SNTG1: variants seen among roughly 807,000 people sequenced by gnomAD.
SNTG1 encodes the protein gamma-1-syntrophin.
Under a neutral mutation model 74.7 loss-of-function variants are expected in SNTG1, and 39 were observed. The ratio of observed to expected loss-of-function variants is 0.52; its 90% CI spans 0.40 to 0.68. SNTG1 has a LOEUF of 0.68. Among genes scored for constraint, SNTG1 ranks in the 30% least tolerant of loss-of-function variants. The probability of loss-of-function intolerance (pLI) is 0.00; values close to 1 mark genes in which losing one functional copy is unlikely to be tolerated. For missense variants in SNTG1, 685 were observed against 609.5 expected (o/e 1.12, Z -1.30); for synonymous variants, 254 against 217.1 (o/e 1.17, Z -1.49).
chr8:50,160,137 T>C (rs904474331), intron 1 of SNTG1, among the ~76,000 whole-genome samples: 8 of 152,214 alleles, frequency 5.3e-5, no homozygotes, highest in Non-Finnish European at 1.0e-4. Flanking sequence ...TTGCACTTAA[T>C]TTTCTATGCA....
At chr8:50,436,024 G>A (rs2093298565) in intron 4 of SNTG1, among the ~76,000 whole-genome samples, 1 of 152,084 alleles carries the variant, frequency 6.6e-6, no homozygotes, top group Admixed American at 6.6e-5. Context: ...TTTAGCTATT[G>A]AGCAGCAATT....
chr8:50,164,960 T>C (rs1221905500), intron 1 of SNTG1, among the ~76,000 whole-genome samples: 1 of 152,204 alleles, frequency 6.6e-6, no homozygotes, highest in Non-Finnish European at 1.5e-5. Flanking sequence ...TTCAGCTTAT[T>C]TTATGTATGT....
At chr8:50,499,758 T>A (rs12548583) in intron 8 of SNTG1, among the ~76,000 whole-genome samples, 1 of 151,750 alleles carries the variant, frequency 6.6e-6, no homozygotes, top group African/African-American at 2.4e-5. Context: ...ATTTTGAATA[T>A]TGACAAATAT....
chr8:50,291,457 C>G (rs1053615325), intron 2 of SNTG1, among the ~76,000 whole-genome samples: 1 of 152,018 alleles, frequency 6.6e-6, no homozygotes, highest in Non-Finnish European at 1.5e-5. Flanking sequence ...GAGGAAAAAG[C>G]TTGTGCACGT....
chr8:50,164,419 T>G (rs1026918487), intron 1 of SNTG1: 14 of 152,324 alleles, frequency 9.2e-5, no homozygotes, highest in Admixed American at 2.6e-4. Flanking sequence ...CCTTGTTTAC[T>G]GGTACTTATT....
chr8:50,266,808 C>G (rs577592473), intron 2 of SNTG1, among the ~76,000 whole-genome samples: 2 of 151,610 alleles, frequency 1.3e-5, no homozygotes, highest in East Asian at 1.9e-4. Context: ...TCTTGCCCCC[C>G]GGTTTTGAGC....
intron 1 of SNTG1, among the ~76,000 whole-genome samples, chr8:50,026,582 T>C (rs968729032): frequency 1.3e-5 from 2 of 152,132 alleles, no homozygotes; most frequent in African/African-American, 2.4e-5. Flanking sequence ...AGTTTAAGGA[T>C]GGTTCAACAG....
intron 2 of SNTG1, among the ~76,000 whole-genome samples, chr8:50,323,964 TTCCAGCTAGTGTC>T (rs778578925): frequency 3.9e-5 from 6 of 152,204 alleles, no homozygotes; most frequent in Non-Finnish European, 8.8e-5. Flanking sequence ...CCCTTAGCTA[TTCCAGCTAGTGTC>T]TCCTTAGGTA....
chr8:50,426,805 G>A (rs2093169125), intron 4 of SNTG1, among the ~76,000 whole-genome samples: 1 of 151,380 alleles, frequency 6.6e-6, no homozygotes, highest in African/African-American at 2.4e-5. Context: ...AAAATATTTG[G>A]GAAAAAAATA....
At chr8:50,379,184 A>G (rs74935411) in intron 2 of SNTG1, among the ~76,000 whole-genome samples, 7,404 of 152,254 alleles carry the variant, frequency 0.049, 247 homozygotes, top group Non-Finnish European at 0.071. Flanking sequence ...GTGTGGCAGC[A>G]TTGCCTTGAG....
At chr8:50,083,012 T>G (rs1396349850) in intron 1 of SNTG1, among the ~76,000 whole-genome samples, 1 of 152,190 alleles carries the variant, frequency 6.6e-6, no homozygotes, top group Non-Finnish European at 1.5e-5. Context: ...CCCAATGAAG[T>G]GAGTCCTTTC....
At chr8:50,107,097 A>G (rs2080401484) in intron 1 of SNTG1, among the ~76,000 whole-genome samples, 1 of 152,172 alleles carries the variant, frequency 6.6e-6, no homozygotes, top group African/African-American at 2.4e-5. Flanking sequence ...AGAATTACAG[A>G]ATGTAAAATT....
At chr8:50,784,557 G>A (rs117570296) in intron 18 of SNTG1, among the ~76,000 whole-genome samples, 4,491 of 152,126 alleles carry the variant, frequency 0.03, 81 homozygotes, top group Non-Finnish European at 0.041. Context: ...AGGCGAAATC[G>A]AAGAGAAAAT....
chr8:50,553,063 C>G lies in SNTG1; in HGVS notation c.694C>G (p.Gln232Glu). ...GAACATCTGCAGGCAGAATGCCTTTCAAGTCATTGCTGTGGATGGGGTCTG... is the reference window on the plus strand; with the variant it reads ...GAACATCTGCAGGCAGAATGCCTTTGAAGTCATTGCTGTGGATGGGGTCTG... Reference protein sequence around the residue: ...GTDLSRQNAFQVIAVDGVCTG... With the variant: ...GTDLSRQNAFEVIAVDGVCTG... The change falls in exon 12 of 19, where the codon CAA becomes GAA. Residue 232 changes from glutamine to glutamate, a missense_variant. Coordinates refer to ENST00000642720, the MANE Select transcript of SNTG1 (RefSeq NM_018967.5). The G allele has an allele frequency of 6.2e-7, 1 of 1,613,846 alleles. No individual in the cohort carries two copies. Among genetic ancestry groups the G allele is most frequent in the South Asian group, 1.1e-5 (1 of 91,070 alleles).
At position 50,794,010 on chromosome 8, in the gene SNTG1, C is replaced by T. The variant is rs1222185085; in HGVS notation, c.*1181C>T. The T allele has an allele frequency of 6.6e-6, 1 of 151,552 alleles. No homozygotes were observed. The highest frequency in any genetic ancestry group is 1.5e-5 in the Non-Finnish European group (1 of 67,844). The allele number at this position is 151,552 out of a possible 1,614,324, so 9.4% of individuals were successfully genotyped here. ...GAAATTTGAAAGCCTTAGAGGTGTG[C>T]AATTTACTCAGATTCCAGGTATTAT... On this transcript the variant is annotated 3_prime_UTR_variant, in exon 19 of 19. Coordinates refer to ENST00000642720, the MANE Select transcript of SNTG1 (RefSeq NM_018967.5).
intron 2 of SNTG1, among the ~76,000 whole-genome samples, chr8:50,293,851 T>G (rs1035542047): frequency 6.6e-6 from 1 of 152,044 alleles, no homozygotes; most frequent in Non-Finnish European, 1.5e-5. Context: ...ACACAAATCC[T>G]ACATTTATGG....
intron 18 of SNTG1, among the ~76,000 whole-genome samples, chr8:50,764,059 C>T (rs2095607211): frequency 6.6e-6 from 1 of 150,956 alleles, no homozygotes; most frequent in African/African-American, 2.4e-5. Context: ...ACAATGGCCC[C>T]AATAATACAA....
At chr8:50,142,522 G>C (rs1191399790) in intron 1 of SNTG1, among the ~76,000 whole-genome samples, 2 of 151,318 alleles carry the variant, frequency 1.3e-5, no homozygotes, top group African/African-American at 4.8e-5. Context: ...CAAGCAGTTG[G>C]TTAAGTGAGA....
intron 15 of SNTG1, among the ~76,000 whole-genome samples, chr8:50,671,402 T>TCAAAAGAAGATATTTATGCAGC (rs1277410472): frequency 6.6e-6 from 1 of 151,368 alleles, no homozygotes; most frequent in East Asian, 1.9e-4. Flanking sequence ...CAGACACTTC[T>TCAAAAGAAGATATTTATGCAGC]CAAAAGAAGA....
Sources: allele counts gnomAD v4.1 joint callset (sites outside exome capture counted in the v4.1 genomes callset), GRCh38; gene constraint gnomAD v4.1.1; transcripts MANE v1.5; gene names NCBI Gene and HGNC (gene_info 2026-07-23, HGNC 2026-07-21).